Variants in FAHD2B observed in about 807,000 individuals in gnomAD.
FAHD2B encodes oxaloacetate tautomerase FAHD2B, mitochondrial.
Under a neutral mutation model 33.7 loss-of-function variants are expected in FAHD2B, and 26 were observed. The observed-to-expected ratio is 0.77, with a 90% confidence interval of 0.57 to 1.07. The LOEUF (loss-of-function observed/expected upper bound fraction) is 1.07, where lower values mean the gene tolerates loss of function less well. Among genes scored for constraint, FAHD2B ranks in the 50% least tolerant of loss-of-function variants. The pLI is 0.00. For missense variants in FAHD2B, 272 were observed against 388.1 expected, an observed-to-expected ratio of 0.70 and a Z score of 2.51; for synonymous variants, 108 against 150.9, an observed-to-expected ratio of 0.72 and a Z score of 2.08.
chr2:97,082,619 T>G, downstream of FAHD2B: 1 of 1,558,050 alleles, frequency 6.4e-7, no homozygotes, highest in Non-Finnish European at 8.8e-7. Flanking sequence ...CTCCCGGGGC[T>G]TCTTTAAACA....
rs776755823 is a variant in FAHD2B at position 97,086,160 on chromosome 2, T to C, written c.501A>G (p.Gly167=). The C allele has an allele frequency of 4.3e-5, 69 of 1,612,962 alleles. No individual in the cohort carries two copies. Among genetic ancestry groups the C allele is most frequent in the Non-Finnish European group, 5.6e-5 (66 of 1,179,724 alleles). ...DWEVELAVVI[G]KKGKHIKATD... is the part of the protein sequence containing the mutation. ...TCACCTTGATGTGCTTGCCTTTCTT[T>C]CCAATGACCACGGCCAGCTCCACTT... Residue 167 remains glycine, a synonymous_variant, in exon 5 of 9, where the codon GGA becomes GGG. Coordinates refer to ENST00000414820, the MANE Select transcript of FAHD2B (RefSeq NM_001320848.2).
At chr2:97,080,993 C>T (rs1331266421), downstream of FAHD2B, 8 of 1,015,214 alleles carry the variant, frequency 7.9e-6, no homozygotes, top group Non-Finnish European at 1.1e-5. Flanking sequence ...GGGGGCTGGG[C>T]GCGGTGCCTC....
At position 97,091,503 on chromosome 2, in the gene FAHD2B, C is replaced by T. The variant is rs898279574; in HGVS notation, c.204G>A (p.Gln68=). The T allele has an allele frequency of 1.2e-6, 2 of 1,613,184 alleles. No homozygotes were observed. The highest frequency in any genetic ancestry group is 1.7e-6 in the Non-Finnish European group (2 of 1,179,860). ...FDPTLPKTMT[Q]FLEQGEATLS... ...GGGTGGCCTCTCCCTGCTCTAGGAA[C>T]TGCGTCATCGTCTTTGGGAGTGTGG... is the stretch of plus-strand genomic sequence containing the variant. Residue 68 remains glutamine, a synonymous_variant, in exon 3 of 9, where the codon CAG becomes CAA. Transcript: ENST00000414820.
chr2:97,082,441 C>A, downstream of FAHD2B: 1 of 1,613,670 alleles, frequency 6.2e-7, no homozygotes, highest in East Asian at 2.2e-5. Context: ...CTGCAGGCCA[C>A]CGCCCAGGAA....
downstream of FAHD2B, among the ~76,000 whole-genome samples, chr2:97,079,683 G>A (rs1161654862): frequency 8.4e-6 from 1 of 118,460 alleles, no homozygotes; most frequent in Non-Finnish European, 1.7e-5. Flanking sequence ...TTTTTTTTTT[G>A]AGACGGAGTC....
intron 5 of FAHD2B, 53 bp downstream of exon 5, chr2:97,086,086 G>C: frequency 6.3e-7 from 1 of 1,599,218 alleles, no homozygotes; most frequent in Non-Finnish European, 8.5e-7. Context: ...GGAGAGGCAG[G>C]AGCTGGGGCC....
At chr2:97,084,595 AC>A (rs746614737) in intron 6 of FAHD2B, among the ~76,000 whole-genome samples, 7 of 152,128 alleles carry the variant, frequency 4.6e-5, no homozygotes, top group Admixed American at 6.6e-5. Context: ...ATAGGAAGAT[AC>A]CTGTAGATAC....
chr2:97,082,978 A>G (rs1354927323), downstream of FAHD2B, among the ~76,000 whole-genome samples: 1 of 151,894 alleles, frequency 6.6e-6, no homozygotes, highest in Non-Finnish European at 1.5e-5. Flanking sequence ...TCACTGGCTC[A>G]TCTTTCTAGG....
chr2:97,093,471 C>CTTTTTTT (rs34927915), intron 1 of FAHD2B, among the ~76,000 whole-genome samples: 1 of 92,106 alleles, frequency 1.1e-5, no homozygotes, highest in African/African-American at 3.8e-5. Flanking sequence ...TGATTTAATT[C>CTTTTTTT]TTTTTTTTTT....
chr2:97,091,584 G>C lies in FAHD2B; in HGVS notation c.123C>G (p.His41Gln), dbSNP rs766684206. The change falls in exon 3 of 9, where the codon CAC becomes CAG. Residue 41 changes from histidine to glutamine, a missense_variant. By Grantham distance (24) the His-to-Gln change is conservative. Transcript: ENST00000414820. ...CACCATTCCCTGTCTCCAGGCCCAA[G>C]TGAGGCCCCACCAGGTGGGGTGCCC... ...QFRAPHLVGP[H>Q]LGLETGNGGG... The C allele has an allele frequency of 7.4e-6, 12 of 1,613,800 alleles. No individual in the cohort carries two copies. Among genetic ancestry groups the C allele is most frequent in the Non-Finnish European group, 1.0e-5 (12 of 1,180,024 alleles).
downstream of FAHD2B, chr2:97,081,062 G>A (rs1237229959): frequency 4.7e-6 from 7 of 1,488,834 alleles, no homozygotes; most frequent in Non-Finnish European, 6.3e-6. Context: ...AGTGGTGAAG[G>A]GAACGGCTCC....
At chr2:97,081,646 T>G, downstream of FAHD2B, 1 of 1,434,594 alleles carries the variant, frequency 7.0e-7, no homozygotes, top group Non-Finnish European at 9.2e-7. Flanking sequence ...GCCCCTGGCC[T>G]TGCAGCGGGG....
At position 97,091,638 on chromosome 2, in the gene FAHD2B, G is replaced by C; in HGVS notation, c.69C>G (p.Pro23=). 6.2e-7 allele frequency: 1 copy of C among 1,613,892 alleles called. No individual in the cohort carries two copies. The highest frequency in any genetic ancestry group is 8.5e-7 in the Non-Finnish European group (1 of 1,179,948). Residue 23 remains proline, a synonymous_variant, in exon 3 of 9, where the codon CCC becomes CCG. Coordinates refer to ENST00000414820, the MANE Select transcript of FAHD2B (RefSeq NM_001320848.2). ...ACTGCACTAGTCTCATGTCTCTGGA[G>C]GGTTGAAAGGGCCACTTCTGAGCCT... ...LLQAQKWPFQ[P]SRDMRLVQFR... is the part of the protein sequence containing the mutation.
intron 5 of FAHD2B, 90 bp from the exon 6 acceptor site, chr2:97,085,951 T>C (rs2031956169): frequency 1.5e-5 from 24 of 1,577,968 alleles, no homozygotes; most frequent in East Asian, 2.2e-5. Flanking sequence ...TGTTATCCCA[T>C]GTTAGTAGCC....
chr2:97,083,815 C>G lies in FAHD2B; in HGVS notation c.885G>C (p.Lys295Asn). The change falls in exon 9 of 9, where the codon AAG becomes AAC. Residue 295 changes from lysine (K) to asparagine (N), a missense_variant and splice_region_variant. Lys to Asn is a moderately conservative substitution (Grantham distance 94). Coordinates refer to ENST00000414820, the MANE Select transcript of FAHD2B (RefSeq NM_001320848.2). ...CAATCTCACACTGGACTTCATCCCC[C>G]TTCTGCAACAGAGCAGGCCATGACG... ...VFRKPPVFLK[K>N]GDEVQCEIEE... 1.2e-6 allele frequency: 2 copies of G among 1,614,142 alleles called. No individual in the cohort carries two copies. The highest frequency in any genetic ancestry group is 1.7e-6 in the Non-Finnish European group (2 of 1,180,048).
chr2:97,081,527 A>C, downstream of FAHD2B: 1 of 1,555,714 alleles, frequency 6.4e-7, no homozygotes. Context: ...TAGGCAGGGC[A>C]GTTGGAGACA....
intron 6 of FAHD2B, 76 bp from the exon 7 acceptor site, chr2:97,084,353 T>C (rs2031817727): frequency 1.3e-6 from 2 of 1,558,618 alleles, no homozygotes; most frequent in South Asian, 2.3e-5. Context: ...AACACAACTG[T>C]AGGGGCGCTT....
At chr2:97,085,924 G>A (rs2031954872) in intron 5 of FAHD2B, 63 bp from the exon 6 acceptor site, 1 of 1,603,288 alleles carries the variant, frequency 6.2e-7, no homozygotes, top group African/African-American at 1.3e-5. Context: ...AACACCTGTG[G>A]CAAGGGATCT....
downstream of FAHD2B, chr2:97,082,312 T>C: frequency 6.3e-7 from 1 of 1,593,856 alleles, no homozygotes; most frequent in Non-Finnish European, 8.6e-7. Flanking sequence ...AGCTGCCCGA[T>C]ACTGGTGAGG....
Sources: gnomAD v4.1 joint callset for allele counts (sites outside exome capture counted in the v4.1 genomes callset) on GRCh38, gnomAD v4.1.1 for gene constraint, MANE v1.5 for transcripts, NCBI Gene and HGNC (gene_info 2026-07-23, HGNC 2026-07-21) for gene names.